The following GALNS variants were observed in gnomAD, a reference collection of about 807,000 sequenced individuals.
GALNS encodes the protein galactosamine (N-acetyl)-6-sulfatase, also known as N-acetylgalactosamine-6-sulfatase.
In GALNS, 65 loss-of-function variants were observed where a neutral mutation model predicts 65.9. The observed-to-expected ratio is 0.99, with a 90% CI of 0.81 to 1.21. The LOEUF is 1.21. Among genes scored for constraint, GALNS ranks in the 50% most tolerant of loss-of-function variants. GALNS has a pLI of 0.00. For synonymous variants in GALNS, 346 were observed against 288.9 expected (o/e 1.20, Z -2.00); for missense variants, 776 against 700.7 (o/e 1.11, Z -1.21).
intron 9 of GALNS, among the ~76,000 whole-genome samples, chr16:88,827,737 G>A (rs1402737036): frequency 3.3e-5 from 5 of 152,192 alleles, no homozygotes; most frequent in Non-Finnish European, 5.9e-5. Context: ...TGAGCCCGGC[G>A]GCCCTGTCTC....
chr16:88,848,842 G>A (rs1217911380), intron 1 of GALNS, among the ~76,000 whole-genome samples: 3 of 152,244 alleles, frequency 2.0e-5, no homozygotes, highest in Non-Finnish European at 4.4e-5. Flanking sequence ...ACAGTGGGCC[G>A]CTCTGGGCGC....
At chr16:88,818,215 A>G (rs1909842801) in intron 12 of GALNS, 91 bp from the exon 13 acceptor site, 2 of 1,036,780 alleles carry the variant, frequency 1.9e-6, no homozygotes. Context: ...GCAGAGCTCT[A>G]ACGGGCTGAG....
chr16:88,828,226 C>G (rs1911128713), intron 9 of GALNS, among the ~76,000 whole-genome samples: 1 of 115,096 alleles, frequency 8.7e-6, no homozygotes, highest in African/African-American at 3.3e-5. Flanking sequence ...AATCCAGATG[C>G]TTTTGTCATC....
intron 1 of GALNS, chr16:88,844,378 G>A (rs1967138139): frequency 6.6e-6 from 1 of 152,254 alleles, no homozygotes; most frequent in Admixed American, 6.5e-5. Context: ...CAGTGGGCCA[G>A]GACTTTGCTC....
chr16:88,822,821 T>C (rs1910384001), intron 11 of GALNS, 111 bp from the exon 12 acceptor site: 3 of 1,487,010 alleles, frequency 2.0e-6, no homozygotes, highest in South Asian at 2.4e-5. Context: ...GGGCCTTGTC[T>C]GCCTGTGTCC....
At chr16:88,851,840 A>G (rs1327759093) in intron 1 of GALNS, among the ~76,000 whole-genome samples, 1 of 152,212 alleles carries the variant, frequency 6.6e-6, no homozygotes. Flanking sequence ...TTGAGTAGGT[A>G]AACAAAGCGG....
chr16:88,822,582 G>A lies in GALNS; in HGVS notation c.1364+7C>T, dbSNP rs371943842. On this transcript the variant is annotated splice_region_variant and intron_variant, in intron 12 of 13. Coordinates refer to ENST00000268695, the MANE Select transcript of GALNS (RefSeq NM_000512.5). ...CTCAGCAGCCAGGAGGCCCTGCACC[G>A]ACTCACCTGAGGGGGAACCTCTCCC... 8.7e-6 allele frequency: 14 copies of A among 1,612,248 alleles called. No homozygotes were observed. Among genetic ancestry groups the A allele is most frequent in the Admixed American group, 3.3e-5 (2 of 59,984 alleles).
At position 88,816,374 on chromosome 16, in the gene GALNS, G is replaced by A. The variant is rs533213319; in HGVS notation, c.1482+1633C>T. On this transcript the variant is annotated intron_variant, in intron 13 of 13. Transcript: ENST00000268695. ...GCTCCTCCACGGCTGGTGGCCCTGG[G>A]CTCCTGGGGCCCCGAGACTCAGGGG... The A allele has an allele frequency of 5.9e-4, 583 of 985,422 alleles. 4 individuals are homozygous for A. The African/African-American group carries it at 9.0e-3, about 15-fold the overall frequency. The allele number at this position is 985,422 out of a possible 1,614,324, so 61.0% of individuals were successfully genotyped here. A position where few individuals can be genotyped will look rare whatever the true frequency, so the allele number is the denominator to read the frequency against.
intron 1 of GALNS, among the ~76,000 whole-genome samples, chr16:88,850,211 C>T (rs1007028458): frequency 3.3e-5 from 5 of 152,200 alleles, no homozygotes; most frequent in African/African-American, 9.7e-5. Flanking sequence ...ACTGTCTGCC[C>T]ATGCCCAGGA....
chr16:88,816,396 G>C (rs1222690106), intron 13 of GALNS: 18 of 985,430 alleles, frequency 1.8e-5, no homozygotes, highest in Non-Finnish European at 1.8e-5. Flanking sequence ...CCGAGACTCA[G>C]GGGTCCTGAG....
chr16:88,826,966 G>T (rs987735559), intron 9 of GALNS, 128 bp from the exon 10 acceptor site: 18 of 1,133,650 alleles, frequency 1.6e-5, no homozygotes, highest in Non-Finnish European at 2.3e-5. Context: ...ATGCTCACAC[G>T]CCCACAGCAG....
At position 88,814,252 on chromosome 16, in the gene GALNS, A is replaced by G; in HGVS notation, c.*187T>C. The G allele has an allele frequency of 2.6e-6, 2 of 764,888 alleles. No homozygotes were observed. The highest frequency in any genetic ancestry group is 2.2e-6 in the Non-Finnish European group (1 of 457,952). 47.4% of individuals were successfully genotyped at this position (764,888 alleles called of 1,614,324 possible). On this transcript the variant is annotated 3_prime_UTR_variant, in exon 14 of 14. Transcript: ENST00000268695. ...GAAATCTGAGGCGCCGTGGGCGAGG[A>G]GGAGGGCCAAGCACACGCCAGGGTC... is the stretch of plus-strand genomic sequence containing the variant.
At chr16:88,841,446 C>T (rs1214011391) in intron 3 of GALNS, among the ~76,000 whole-genome samples, 1 of 152,148 alleles carries the variant, frequency 6.6e-6, no homozygotes, top group East Asian at 1.9e-4. Flanking sequence ...CGTGATGCTG[C>T]ACTGCCCCAC....
intron 12 of GALNS, among the ~76,000 whole-genome samples, chr16:88,819,332 C>T (rs369549345): frequency 1.6e-3 from 250 of 152,308 alleles, no homozygotes; most frequent in South Asian, 9.5e-3. Flanking sequence ...CGCGGAGATG[C>T]CTGTCCTGGT....
intron 1 of GALNS, chr16:88,843,140 C>T: frequency 7.0e-7 from 1 of 1,427,810 alleles, no homozygotes; most frequent in Non-Finnish European, 9.3e-7. Flanking sequence ...CCGTCTGCCT[C>T]CTCCCAGCCT....
chr16:88,825,872 G>A (rs971889291), intron 10 of GALNS, among the ~76,000 whole-genome samples: 1 of 152,180 alleles, frequency 6.6e-6, no homozygotes, highest in Non-Finnish European at 1.5e-5. Flanking sequence ...CCAGATAGCC[G>A]GAGGCGGCAG....
At chr16:88,852,215 C>T (rs1967537732) in intron 1 of GALNS, among the ~76,000 whole-genome samples, 1 of 152,210 alleles carries the variant, frequency 6.6e-6, no homozygotes, top group Non-Finnish European at 1.5e-5. Context: ...GTTCTGCAGC[C>T]TCCACTGGTG....
intron 7 of GALNS, among the ~76,000 whole-genome samples, 154 bp from the exon 8 acceptor site, chr16:88,835,506 C>T (rs1233358716): frequency 6.6e-6 from 1 of 152,176 alleles, no homozygotes; most frequent in East Asian, 1.9e-4. Context: ...AGAGGAATGG[C>T]CTCAGTTCAA....
intron 13 of GALNS, chr16:88,815,697 G>A (rs368787811): frequency 2.0e-6 from 2 of 985,472 alleles, no homozygotes; most frequent in Non-Finnish European, 2.4e-6. Flanking sequence ...TCTGGGTGCT[G>A]CTCAGGGTAC....
Sources: allele counts gnomAD v4.1 joint callset (sites outside exome capture counted in the v4.1 genomes callset), GRCh38; gene constraint gnomAD v4.1.1; transcripts MANE v1.5; gene names NCBI Gene and HGNC (gene_info 2026-07-23, HGNC 2026-07-21).